The following INPP4B variants were observed in gnomAD, a reference collection of about 807,000 sequenced individuals.
INPP4B encodes inositol polyphosphate 4-phosphatase type II.
A neutral mutation model predicts 122.5 loss-of-function variants in INPP4B; 55 were observed. The observed-to-expected ratio is 0.45, with a 90% CI of 0.36 to 0.56. INPP4B has a LOEUF of 0.56. Ranked by LOEUF, INPP4B falls within the 20% of genes least tolerant of loss-of-function variation. INPP4B has a pLI of 0.00. For missense variants in INPP4B, 1,000 were observed against 1,097.7 expected (o/e 0.91, Z 1.26); for synonymous variants, 403 against 388.7 (o/e 1.04, Z -0.43).
chr4:142,424,835 G>A (rs1205135682), intron 5 of INPP4B, among the ~76,000 whole-genome samples: 5 of 151,932 alleles, frequency 3.3e-5, no homozygotes, highest in African/African-American at 1.2e-4. Context: ...GTCTAAAAAT[G>A]TATGATGGAT....
chr4:142,573,906 G>A (rs1054816098), intron 2 of INPP4B, among the ~76,000 whole-genome samples: 1 of 151,756 alleles, frequency 6.6e-6, no homozygotes, highest in Non-Finnish European at 1.5e-5. Context: ...AAAACTTCTT[G>A]GCTACTTATG....
chr4:142,451,749 T>C (rs1445456076), intron 3 of INPP4B, among the ~76,000 whole-genome samples: 1 of 152,134 alleles, frequency 6.6e-6, no homozygotes, highest in African/African-American at 2.4e-5. Flanking sequence ...ATATTGACAG[T>C]TAAAAGGACA....
At chr4:142,549,809 C>A (rs1421416317) in intron 2 of INPP4B, among the ~76,000 whole-genome samples, 3 of 152,140 alleles carry the variant, frequency 2.0e-5, no homozygotes, top group African/African-American at 7.2e-5. Flanking sequence ...GTTCAGAAAT[C>A]TTTGCTTATT....
At chr4:142,612,599 A>G (rs2150343731) in intron 2 of INPP4B, among the ~76,000 whole-genome samples, 1 of 152,308 alleles carries the variant, frequency 6.6e-6, no homozygotes, top group Non-Finnish European at 1.5e-5. Flanking sequence ...TGTAAAAAGA[A>G]TTGCAGTTTT....
chr4:142,431,098 T>C (rs1809205211), intron 4 of INPP4B, 71 bp downstream of exon 4: 5 of 1,040,974 alleles, frequency 4.8e-6, no homozygotes, highest in Non-Finnish European at 7.5e-6. Context: ...TGCATGTATG[T>C]ATGTGTAAGT....
chr4:142,759,660 T>G (rs1771010884), intron 1 of INPP4B, among the ~76,000 whole-genome samples: 1 of 151,828 alleles, frequency 6.6e-6, no homozygotes, highest in Non-Finnish European at 1.5e-5. Context: ...CCTGAAAAGT[T>G]GAATATAACA....
intron 21 of INPP4B, among the ~76,000 whole-genome samples, chr4:142,119,032 G>A (rs1004584508): frequency 2.0e-5 from 3 of 152,116 alleles, no homozygotes; most frequent in African/African-American, 7.2e-5. Flanking sequence ...GCAGCCAACA[G>A]ACACATGAAA....
Position 142,796,224 on chromosome 4 carries a change from A to G in INPP4B, c.-254+49985T>C, listed in dbSNP as rs151034108. ...TTGTAAAATGAATGAATTAAGGAGA[A>G]GTAAACAGACTTGGAGGATTCTTGT... On this transcript the variant is annotated intron_variant, in intron 1 of 25. Coordinates refer to ENST00000262992, the MANE Select transcript of INPP4B (RefSeq NM_001101669.3). Among the ~76,000 whole-genome samples the G allele has an allele frequency of 2.3e-3, 357 of 152,180 alleles. 2 individuals carry two copies. The highest frequency in any genetic ancestry group is 7.7e-3 in the African/African-American group (319 of 41,558).
intron 2 of INPP4B, among the ~76,000 whole-genome samples, chr4:142,678,613 T>A (rs559829683): frequency 2.6e-4 from 39 of 151,994 alleles, no homozygotes; most frequent in African/African-American, 8.9e-4. Context: ...GACTTGACAC[T>A]CAACGTAAGA....
At chr4:142,103,299 T>C (rs1466894273) in intron 23 of INPP4B, among the ~76,000 whole-genome samples, 1 of 152,078 alleles carries the variant, frequency 6.6e-6, no homozygotes, top group Non-Finnish European at 1.5e-5. Flanking sequence ...TTCCTTACAC[T>C]TATGAATGTT....
At chr4:142,380,461 G>A (rs557141138) in intron 7 of INPP4B, among the ~76,000 whole-genome samples, 2 of 152,096 alleles carry the variant, frequency 1.3e-5, no homozygotes, top group African/African-American at 4.8e-5. Flanking sequence ...TGCTCAAAAC[G>A]GTCCCTCCCA....
At chr4:142,613,632 G>T (rs1286789264) in intron 2 of INPP4B, among the ~76,000 whole-genome samples, 1 of 152,132 alleles carries the variant, frequency 6.6e-6, no homozygotes, top group Admixed American at 6.5e-5. Flanking sequence ...CTCATGTTCT[G>T]TGAATATATC....
chr4:142,808,026 C>A (rs1779064973), intron 1 of INPP4B, among the ~76,000 whole-genome samples: 1 of 151,952 alleles, frequency 6.6e-6, no homozygotes, highest in Non-Finnish European at 1.5e-5. Context: ...TCCATTACCA[C>A]CTAAAATAAA....
At chr4:142,642,433 T>A (rs1277983100) in intron 2 of INPP4B, among the ~76,000 whole-genome samples, 1 of 152,208 alleles carries the variant, frequency 6.6e-6, no homozygotes, top group East Asian at 1.9e-4. Flanking sequence ...CCATCTTGAA[T>A]TAATTTTTGT....
At chr4:142,077,703 C>A (rs1009452360) in intron 25 of INPP4B, among the ~76,000 whole-genome samples, 2 of 151,040 alleles carry the variant, frequency 1.3e-5, no homozygotes, top group African/African-American at 2.4e-5. Flanking sequence ...AAAAAAAAAA[C>A]CTGCAAATTA....
intron 1 of INPP4B, among the ~76,000 whole-genome samples, chr4:142,821,074 T>A (rs1780741621): frequency 6.6e-6 from 1 of 152,190 alleles, no homozygotes; most frequent in Non-Finnish European, 1.5e-5. Context: ...GCAAGCTGTG[T>A]GAATTATCTT....
intron 2 of INPP4B, among the ~76,000 whole-genome samples, chr4:142,556,918 A>G (rs899886705): frequency 4.6e-5 from 7 of 152,162 alleles, no homozygotes; most frequent in Admixed American, 3.3e-4. Flanking sequence ...TAGAAGACAG[A>G]GGTCTGGAAG....
chr4:142,199,739 T>C (rs1470103307), intron 14 of INPP4B, among the ~76,000 whole-genome samples: 3 of 152,014 alleles, frequency 2.0e-5, no homozygotes, highest in Non-Finnish European at 4.4e-5. Flanking sequence ...GTTTCTCTTA[T>C]GGTTTGTCAT....
At chr4:142,640,856 T>C (rs1320692870) in intron 2 of INPP4B, among the ~76,000 whole-genome samples, 1 of 152,032 alleles carries the variant, frequency 6.6e-6, no homozygotes, top group Non-Finnish European at 1.5e-5. Context: ...GAAATGCTAA[T>C]TAAAACTATA....
Sources: allele counts gnomAD v4.1 joint callset (sites outside exome capture counted in the v4.1 genomes callset), GRCh38; gene constraint gnomAD v4.1.1; transcripts MANE v1.5; gene names NCBI Gene and HGNC (gene_info 2026-07-23, HGNC 2026-07-21).